The following SPATA6 variants were observed in gnomAD, a reference collection of about 807,000 sequenced individuals.
SPATA6 encodes spermatogenesis-associated protein 6.
Under a neutral mutation model 65.3 loss-of-function variants are expected in SPATA6, and 56 were observed. That is an observed-to-expected ratio of 0.86 (90% CI 0.69 to 1.07). SPATA6 has a LOEUF of 1.07. SPATA6 is among the 50% of genes least tolerant of loss of function. The pLI is 0.00. For missense variants in SPATA6, 590 were observed against 594.8 expected (o/e 0.99, Z 0.08); for synonymous variants, 199 against 213.2 (o/e 0.93, Z 0.58).
At chr1:48,374,720 T>C (rs774299962) in intron 9 of SPATA6, among the ~76,000 whole-genome samples, 1 of 152,174 alleles carries the variant, frequency 6.6e-6, no homozygotes, top group African/African-American at 2.4e-5. Context: ...ATTCCTTCCT[T>C]ATCAAAATAG....
the SPATA6 span, among the ~76,000 whole-genome samples, chr1:48,286,771 C>A: frequency 6.6e-6 from 1 of 152,060 alleles, no homozygotes; most frequent in Non-Finnish European, 1.5e-5. Flanking sequence ...CACAGTGGCT[C>A]ACATCTGTAA....
intron 9 of SPATA6, among the ~76,000 whole-genome samples, chr1:48,381,863 T>A (rs1648664132): frequency 7.0e-6 from 1 of 142,322 alleles, no homozygotes; most frequent in Non-Finnish European, 1.5e-5. Context: ...CCTTCCGCAG[T>A]GTTTGTGTCC....
chr1:48,405,276 A>T (rs1361529298), intron 5 of SPATA6, among the ~76,000 whole-genome samples: 1 of 152,204 alleles, frequency 6.6e-6, no homozygotes, highest in South Asian at 2.1e-4. Context: ...GATATCTGTG[A>T]TATCCACTAT....
Position 48,471,974 on chromosome 1 carries a change from G to C in SPATA6, c.35C>G (p.Ala12Gly). The change falls in exon 1 of 13, where the codon GCG becomes GGG. Residue 12 changes from alanine to glycine, a missense_variant. Coordinates refer to ENST00000371847, the MANE Select transcript of SPATA6 (RefSeq NM_019073.4). ...PKVKALQCAL[A>G]LEISSVTCPG... is the part of the protein sequence containing the mutation. ...GGTACTCACTGAGCTGATCTCCAGC[G>C]CCAGGGCGCACTGCAGCGCCTTCAC... 1 of 1,602,198 alleles carries C rather than the reference G, an allele frequency of 6.2e-7. No individual in the cohort carries two copies. Among genetic ancestry groups the C allele is most frequent in the Non-Finnish European group, 8.5e-7 (1 of 1,176,072 alleles).
At chr1:48,361,961 C>A (rs1216336367) in intron 9 of SPATA6, among the ~76,000 whole-genome samples, 1 of 151,988 alleles carries the variant, frequency 6.6e-6, no homozygotes, top group Non-Finnish European at 1.5e-5. Flanking sequence ...CAATAACTGA[C>A]CAACAAGAAA....
chr1:48,325,230 C>A lies in SPATA6; in HGVS notation c.1195-19352G>T, dbSNP rs1054335338. 5 of 752,140 alleles carry A rather than the reference C, an allele frequency of 6.6e-6. No individual in the cohort carries two copies. The African/African-American group carries it at 8.8e-5, about 13-fold the overall frequency. The allele number at this position is 752,140 out of a possible 1,614,324, so 46.6% of individuals were successfully genotyped here. On this transcript the variant is annotated intron_variant, in intron 11 of 12. Transcript: ENST00000371847. Reference sequence around the variant, plus strand: ...GCTGCTGGCACAATGGGAGTCAAGTCCACAACAGGGGCAAGGTTTGGATAT... The same window carrying A: ...GCTGCTGGCACAATGGGAGTCAAGTACACAACAGGGGCAAGGTTTGGATAT...
Position 48,359,790 on chromosome 1 carries a change from CATATAG to C in SPATA6, c.910-26_910-21del. The C allele has an allele frequency of 8.4e-6, 13 of 1,550,804 alleles. No homozygotes were observed. Among genetic ancestry groups the C allele is most frequent in the African/African-American group, 1.4e-5 (1 of 72,564 alleles). ...GATAACCTGTTTTAAAAATTATATA[CATATAG>C]ATATACAAATACAGATACATATGTA... is the stretch of plus-strand genomic sequence containing the variant. On this transcript the variant is annotated intron_variant, in intron 9 of 12. Coordinates refer to ENST00000371847, the MANE Select transcript of SPATA6 (RefSeq NM_019073.4).
intron 3 of SPATA6, among the ~76,000 whole-genome samples, chr1:48,432,320 G>A (rs1570557298): frequency 2.6e-5 from 4 of 151,864 alleles, no homozygotes; most frequent in South Asian, 4.2e-4. Context: ...TTAAAATTTC[G>A]TGCATAAAAA....
At chr1:48,384,738 C>A (rs1006663009) in intron 9 of SPATA6, among the ~76,000 whole-genome samples, 1 of 152,106 alleles carries the variant, frequency 6.6e-6, no homozygotes, top group African/African-American at 2.4e-5. Context: ...TTTTAAGAAA[C>A]AGAGAGCATG....
intron 3 of SPATA6, among the ~76,000 whole-genome samples, chr1:48,439,088 G>A (rs938708537): frequency 6.6e-6 from 1 of 151,954 alleles, no homozygotes; most frequent in African/African-American, 2.4e-5. Flanking sequence ...TCATTTTTGG[G>A]GCATAACATC....
intron 12 of SPATA6, among the ~76,000 whole-genome samples, chr1:48,299,781 G>T (rs59079079): frequency 0.058 from 8,824 of 152,144 alleles, 380 homozygotes; most frequent in African/African-American, 0.12. Flanking sequence ...ATATAGAAAT[G>T]AAGACTCAGT....
chr1:48,324,381 A>G (rs1015311870), intron 11 of SPATA6, among the ~76,000 whole-genome samples: 1 of 152,214 alleles, frequency 6.6e-6, no homozygotes, highest in African/African-American at 2.4e-5. Context: ...CCAGACAAAG[A>G]CACATCAGAG....
intron 3 of SPATA6, among the ~76,000 whole-genome samples, chr1:48,444,095 T>C (rs978241563): frequency 2.6e-5 from 4 of 152,208 alleles, no homozygotes; most frequent in South Asian, 2.1e-4. Flanking sequence ...GAGAGGGGAC[T>C]GAGAGGTGAA....
chr1:48,393,143 T>C (rs1018350853), intron 8 of SPATA6: 2 of 152,160 alleles, frequency 1.3e-5, no homozygotes, highest in Non-Finnish European at 2.9e-5. Context: ...AGTATTTCTC[T>C]GCACAATTAC....
chr1:48,405,413 T>C (rs1378540598), intron 5 of SPATA6, among the ~76,000 whole-genome samples: 1 of 152,232 alleles, frequency 6.6e-6, no homozygotes, highest in Non-Finnish European at 1.5e-5. Context: ...GGTTGAGCTA[T>C]GTGTTTCTGT....
chr1:48,269,924 T>C, the SPATA6 span, among the ~76,000 whole-genome samples: 2 of 152,130 alleles, frequency 1.3e-5, no homozygotes, highest in African/African-American at 4.8e-5. Flanking sequence ...TGAAGAGTTA[T>C]TTTCATTGAT....
chr1:48,417,693 G>A (rs781365233), intron 3 of SPATA6, among the ~76,000 whole-genome samples: 1 of 151,968 alleles, frequency 6.6e-6, no homozygotes, highest in Non-Finnish European at 1.5e-5. Flanking sequence ...GCACATGCCT[G>A]TAATCCCAGC....
chr1:48,319,220 T>A (rs544208807), intron 11 of SPATA6, among the ~76,000 whole-genome samples: 1 of 152,288 alleles, frequency 6.6e-6, no homozygotes, highest in East Asian at 1.9e-4. Context: ...ATTTCTGAGA[T>A]ATCCTAAGCA....
At chr1:48,455,792 T>A (rs923511274) in intron 1 of SPATA6, among the ~76,000 whole-genome samples, 3 of 152,206 alleles carry the variant, frequency 2.0e-5, no homozygotes, top group African/African-American at 7.2e-5. Flanking sequence ...TTGTCCTCAT[T>A]GGAAACTGCT....
Sources: gnomAD v4.1 joint callset for allele counts (sites outside exome capture counted in the v4.1 genomes callset) on GRCh38, gnomAD v4.1.1 for gene constraint, MANE v1.5 for transcripts, NCBI Gene and HGNC (gene_info 2026-07-23, HGNC 2026-07-21) for gene names.